The following RPL4 variants were observed in gnomAD, a reference collection of about 807,000 sequenced individuals.
RPL4 encodes the protein large ribosomal subunit protein uL4.
RPL4 carries 3 observed loss-of-function variants against 47.7 expected under a neutral mutation model. That is an observed-to-expected ratio of 0.06 (90% CI 0.03 to 0.16). The LOEUF is 0.16. Among genes scored for constraint, RPL4 ranks in the 10% least tolerant of loss-of-function variants. RPL4 has a pLI of 1.00. For missense variants in RPL4, 413 were observed against 551.3 expected (o/e 0.75, Z 2.51); for synonymous variants, 208 against 182.1 (o/e 1.14, Z -1.15).
intron 4 of RPL4, chr15:66,502,122 C>T (rs2140715837): frequency 2.7e-6 from 2 of 728,398 alleles, no homozygotes; most frequent in Non-Finnish European, 4.9e-6. Context: ...GGGTACGCAA[C>T]AGGCAAGTTT....
rs776593159 is a variant in RPL4, at chr15:66,504,825, C to A, written c.-35G>T. The A allele has an allele frequency of 6.2e-7, 1 of 1,608,956 alleles. No homozygotes were observed. The highest frequency in any genetic ancestry group is 8.5e-7 in the Non-Finnish European group (1 of 1,178,320). On this transcript the variant is annotated 5_prime_UTR_variant, in exon 1 of 10. Coordinates refer to ENST00000307961, the MANE Select transcript of RPL4 (RefSeq NM_000968.4). The stretch of plus-strand genomic sequence containing the variant: ...AGGAGACAGCCACGCTCCTCTCAGC[C>A]CGGCTGCTGCCACAGGAAAAGGAAG...
chr15:66,501,187 A>T (rs1893604622), intron 6 of RPL4, 82 bp from the exon 7 acceptor site: 3 of 1,580,646 alleles, frequency 1.9e-6, no homozygotes, highest in Non-Finnish European at 2.6e-6. Context: ...AGAGCTATAA[A>T]AGGTACCTGA....
chr15:66,500,805 A>G (rs1039008026), intron 7 of RPL4, 144 bp downstream of exon 7: 5 of 996,054 alleles, frequency 5.0e-6, no homozygotes, highest in Non-Finnish European at 5.9e-6. Context: ...AAAACCAAAA[A>G]TATAGACCAG....
rs573523589 is a variant in RPL4 at position 66,499,896 on chromosome 15, G to A, written c.1038+160C>T. The A allele has an allele frequency of 1.0e-5, 10 of 971,762 alleles. 1 individual carries two copies. Among genetic ancestry groups the A allele is most frequent in the East Asian group, 7.9e-5 (3 of 38,148 alleles). The allele number at this position is 971,762 out of a possible 1,614,324, so 60.2% of individuals were successfully genotyped here. ...AAATTAGCCGGACATGGTGGCGTGC[G>A]CCTGTAGTGCCAGCTACTTGGGAGG... On this transcript the variant is annotated intron_variant, in intron 9 of 9. Coordinates refer to ENST00000307961, the MANE Select transcript of RPL4 (RefSeq NM_000968.4).
At chr15:66,504,374 T>C (rs1296392449) in intron 1 of RPL4, among the ~76,000 whole-genome samples, 1 of 152,212 alleles carries the variant, frequency 6.6e-6, no homozygotes. Context: ...CATATAACAC[T>C]GGTCTTATTA....
At chr15:66,503,227 A>C in intron 2 of RPL4, 63 bp from the exon 3 acceptor site, 1 of 1,589,048 alleles carries the variant, frequency 6.3e-7, no homozygotes, top group Non-Finnish European at 8.6e-7. Flanking sequence ...CATGACTATT[A>C]TGCATGGTAG....
chr15:66,500,251 T>C, intron 8 of RPL4, 42 bp downstream of exon 8: 3 of 1,613,470 alleles, frequency 1.9e-6, no homozygotes, highest in Non-Finnish European at 1.7e-6. Flanking sequence ...CAACCAATAG[T>C]ATAGGGTTGG....
chr15:66,503,629 G>C, intron 1 of RPL4, 100 bp from the exon 2 acceptor site: 1 of 1,310,694 alleles, frequency 7.6e-7, no homozygotes, highest in Non-Finnish European at 1.0e-6. Flanking sequence ...TTGCAGAAGA[G>C]ACTGGTATGG....
intron 6 of RPL4, 47 bp from the exon 7 acceptor site, chr15:66,501,152 A>T (rs1234561278): frequency 6.2e-6 from 10 of 1,602,318 alleles, no homozygotes; most frequent in Non-Finnish European, 8.5e-6. Flanking sequence ...CCAACAAAAG[A>T]AACACAAATC....
At position 66,498,023 on chromosome 15, in the gene RPL4, G is replaced by C. The variant is rs554000792; in HGVS notation, c.*1384C>G. ...AAGAACCTGAAGAAATCTTGGGTTT[G>C]GCTATCCTTTAATCCGATAGGCCAT... is the stretch of plus-strand genomic sequence containing the variant. On this transcript the variant is annotated 3_prime_UTR_variant, in exon 10 of 10. Transcript: ENST00000307961. The C allele has an allele frequency of 1.6e-4, 71 of 436,640 alleles. No homozygotes were observed. In the South Asian group the frequency reaches 2.8e-3, roughly 17 times the overall value. 27.0% of individuals were successfully genotyped at this position (436,640 alleles called of 1,614,324 possible). A position where few individuals can be genotyped will look rare whatever the true frequency, so the allele number is the denominator to read the frequency against.
rs2140708189 is a variant in RPL4, at chr15:66,498,042, A to G, written c.*1365T>C. On this transcript the variant is annotated 3_prime_UTR_variant, in exon 10 of 10. Transcript: ENST00000307961. Reference sequence around the variant, plus strand: ...GGGTTTGGCTATCCTTTAATCCGATAGGCCATTTGCGCACCAAGTGGTCAA... The same window carrying G: ...GGGTTTGGCTATCCTTTAATCCGATGGGCCATTTGCGCACCAAGTGGTCAA... 2 of 368,856 alleles carry G rather than the reference A, an allele frequency of 5.4e-6. No homozygotes were observed. The highest frequency in any genetic ancestry group is 9.1e-5 in the East Asian group (2 of 22,028). The allele number at this position is 368,856 out of a possible 1,614,324, so 22.8% of individuals were successfully genotyped here. A position where few individuals can be genotyped will look rare whatever the true frequency, so the allele number is the denominator to read the frequency against.
chr15:66,501,666 G>A, intron 5 of RPL4, 122 bp downstream of exon 5: 2 of 1,505,282 alleles, frequency 1.3e-6, no homozygotes, highest in African/African-American at 2.8e-5. Flanking sequence ...AAGTAATCGG[G>A]CTCTGAGGTT....
chr15:66,502,953 CA>C (rs759103415), intron 3 of RPL4, 104 bp downstream of exon 3: 87 of 1,336,948 alleles, frequency 6.5e-5, no homozygotes, highest in Non-Finnish European at 7.5e-5. Flanking sequence ...CTCTTCAAGA[CA>C]AAAAAAAGTA....
chr15:66,500,622 C>G, intron 7 of RPL4: 2 of 547,904 alleles, frequency 3.7e-6, no homozygotes, highest in Admixed American at 6.7e-5. Flanking sequence ...GGTAAAACCC[C>G]AACTCTACAA....
chr15:66,503,553 T>A, intron 1 of RPL4, 24 bp from the exon 2 acceptor site: 1 of 1,570,900 alleles, frequency 6.4e-7, no homozygotes, highest in East Asian at 2.3e-5. Context: ...CAAGGATTAT[T>A]TTTATTGACA....
intron 2 of RPL4, 56 bp downstream of exon 2, chr15:66,503,302 T>G (rs930548100): frequency 2.5e-6 from 4 of 1,605,492 alleles, no homozygotes; most frequent in Admixed American, 3.3e-5. Flanking sequence ...GAAGTGGAAT[T>G]TCATCACTAC....
At chr15:66,503,016 CCAT>C in intron 3 of RPL4, 39 bp downstream of exon 3, 3 of 1,562,650 alleles carry the variant, frequency 1.9e-6, no homozygotes, top group Non-Finnish European at 2.6e-6. Flanking sequence ...CCGCTAAATT[CCAT>C]CAGAGATGAC....
chr15:66,498,396 T>C lies in RPL4; in HGVS notation c.*1011A>G, dbSNP rs1228742836. 3.9e-5 allele frequency: 6 copies of C among 152,218 alleles called. No individual in the cohort carries two copies. The highest frequency in any genetic ancestry group is 7.3e-5 in the Non-Finnish European group (5 of 68,048). The allele number at this position is 152,218 out of a possible 1,614,324, so 9.4% of individuals were successfully genotyped here. A position where few individuals can be genotyped will look rare whatever the true frequency, so the allele number is the denominator to read the frequency against. ...TGAGACTGTCTTGACAGTTCGAGAC[T>C]GTCAGAGAGAAGCTGACAGTTTAAC... On this transcript the variant is annotated 3_prime_UTR_variant, in exon 10 of 10. Coordinates refer to ENST00000307961, the MANE Select transcript of RPL4 (RefSeq NM_000968.4).
rs1893548037 is a variant in RPL4, at chr15:66,499,349, A to T, written c.*58T>A. On this transcript the variant is annotated 3_prime_UTR_variant, in exon 10 of 10. Coordinates refer to ENST00000307961, the MANE Select transcript of RPL4 (RefSeq NM_000968.4). The stretch of plus-strand genomic sequence containing the variant: ...TCACTGCCTGTATAATCAGGTCTTT[A>T]TTCAAAAGAAGCTGTCCAAAATGAT... The T allele has an allele frequency of 6.5e-7, 1 of 1,547,092 alleles. No individual in the cohort carries two copies. Among genetic ancestry groups the T allele is most frequent in the South Asian group, 1.2e-5 (1 of 80,816 alleles).
Sources: gnomAD v4.1 joint callset for allele counts (sites outside exome capture counted in the v4.1 genomes callset) on GRCh38, gnomAD v4.1.1 for gene constraint, MANE v1.5 for transcripts, NCBI Gene and HGNC (gene_info 2026-07-23, HGNC 2026-07-21) for gene names.